KIAA1671: variants seen among roughly 807,000 people sequenced by gnomAD.
KIAA1671 encodes uncharacterized protein KIAA1671.
KIAA1671 carries 52 observed loss-of-function variants against 131.2 expected under a neutral mutation model. The ratio of observed to expected loss-of-function variants is 0.40; its 90% confidence interval spans 0.32 to 0.50. The LOEUF is 0.50. KIAA1671 is among the 20% of genes least tolerant of loss of function. The pLI is 0.73. For missense variants in KIAA1671, 2,360 were observed against 2,364.2 expected, an observed-to-expected ratio of 1.00 and a Z score of 0.04; for synonymous variants, 1,003 against 961.6, an observed-to-expected ratio of 1.04 and a Z score of -0.80.
chr22:24,977,689 A>G (rs1307590169), intron 1 of KIAA1671, among the ~76,000 whole-genome samples: 1 of 152,182 alleles, frequency 6.6e-6, no homozygotes, highest in Non-Finnish European at 1.5e-5. Flanking sequence ...GGGCCTGCTG[A>G]AGCCTAGAGA....
intron 6 of KIAA1671, among the ~76,000 whole-genome samples, chr22:25,069,070 CT>C (rs1928665329): frequency 6.6e-6 from 1 of 152,158 alleles, no homozygotes; most frequent in Non-Finnish European, 1.5e-5. Context: ...CCAGGAGCGT[CT>C]GGCTTGTATT....
At chr22:25,099,647 C>T (rs927599833) in intron 6 of KIAA1671, among the ~76,000 whole-genome samples, 4 of 146,090 alleles carry the variant, frequency 2.7e-5, no homozygotes, top group African/African-American at 1.0e-4. Flanking sequence ...CTCTGCCTCC[C>T]GGGTTCACAG....
chr22:25,093,840 C>CTCTCTCTCTG (rs1568951631), intron 6 of KIAA1671, among the ~76,000 whole-genome samples: 1 of 57,056 alleles, frequency 1.8e-5, no homozygotes, highest in Non-Finnish European at 3.7e-5. Flanking sequence ...CTCTGTCTGT[C>CTCTCTCTCTG]TCTCTCTCTC....
At chr22:25,066,189 T>C (rs1928469897) in intron 6 of KIAA1671, among the ~76,000 whole-genome samples, 1 of 151,398 alleles carries the variant, frequency 6.6e-6, no homozygotes, top group Non-Finnish European at 1.5e-5. Flanking sequence ...GGCTCTGTCA[T>C]CCAGGCTGGA....
intron 1 of KIAA1671, among the ~76,000 whole-genome samples, chr22:24,988,581 C>T (rs1923674366): frequency 6.6e-6 from 1 of 150,474 alleles, no homozygotes; most frequent in South Asian, 2.1e-4. Context: ...CTAAAAAATA[C>T]AAAAATTAGC....
rs111975991 is a variant in KIAA1671 at position 25,144,007 on chromosome 22, T to TA, written c.4531-26802dup. On this transcript the variant is annotated intron_variant, in intron 6 of 12. Transcript: ENST00000358431. ...GCAACATAGCAAGATCCCATCTGTA[T>TA]AAAAAAAAAAATGAACTAAAAAAAA... 5.7e-4 allele frequency among the ~76,000 whole-genome samples: 83 copies of TA among 146,494 alleles called. No individual in the cohort carries two copies. The South Asian group carries it at 5.7e-3, about 10-fold the overall frequency.
intron 6 of KIAA1671, among the ~76,000 whole-genome samples, chr22:25,080,206 C>T (rs1929332587): frequency 6.6e-6 from 1 of 152,138 alleles, no homozygotes; most frequent in Non-Finnish European, 1.5e-5. Context: ...ATACCGGTGT[C>T]AGCATACGTT....
At chr22:25,162,859 C>T (rs1933493410) in intron 6 of KIAA1671, among the ~76,000 whole-genome samples, 1 of 152,170 alleles carries the variant, frequency 6.6e-6, no homozygotes, top group Non-Finnish European at 1.5e-5. Context: ...ACCCACAAAG[C>T]CCAAAATATT....
intron 6 of KIAA1671, among the ~76,000 whole-genome samples, chr22:25,138,656 C>T (rs1932759304): frequency 6.6e-6 from 1 of 152,184 alleles, no homozygotes; most frequent in African/African-American, 2.4e-5. Flanking sequence ...TTCATTTATT[C>T]ATCTGTTGGT....
intron 3 of KIAA1671, among the ~76,000 whole-genome samples, chr22:25,030,359 ACT>A (rs1359084114): frequency 6.6e-6 from 1 of 152,048 alleles, no homozygotes; most frequent in Non-Finnish European, 1.5e-5. Flanking sequence ...ACATGGTAAA[ACT>A]CTGTCTCTAC....
chr22:24,990,960 G>A (rs1451389343), intron 1 of KIAA1671, among the ~76,000 whole-genome samples: 1 of 152,260 alleles, frequency 6.6e-6, no homozygotes, highest in East Asian at 1.9e-4. Flanking sequence ...CCCTGGCCCA[G>A]GGCTGGCCAA....
chr22:25,006,351 G>A (rs3859864), intron 1 of KIAA1671, among the ~76,000 whole-genome samples: 84,539 of 151,948 alleles, frequency 0.56, 23,707 homozygotes, highest in East Asian at 0.77. Flanking sequence ...TTTTAAATGA[G>A]CTGATATTTA....
intron 4 of KIAA1671, among the ~76,000 whole-genome samples, chr22:25,037,885 G>A (rs954131930): frequency 6.6e-6 from 1 of 151,964 alleles, no homozygotes; most frequent in Non-Finnish European, 1.5e-5. Flanking sequence ...TGTCACCCAG[G>A]CTGGAGTGCA....
At chr22:25,180,682 T>C (rs1042198032) in intron 9 of KIAA1671, among the ~76,000 whole-genome samples, 3 of 152,234 alleles carry the variant, frequency 2.0e-5, no homozygotes, top group Non-Finnish European at 2.9e-5. Flanking sequence ...TAGCAAACAT[T>C]AGGATGTCAG....
intron 6 of KIAA1671, among the ~76,000 whole-genome samples, chr22:25,070,942 C>A (rs1227666056): frequency 1.3e-5 from 2 of 152,216 alleles, no homozygotes; most frequent in Non-Finnish European, 2.9e-5. Flanking sequence ...AGGAAAAAAA[C>A]CAGAACATTT....
chr22:25,172,552 C>T (rs898814416), intron 7 of KIAA1671, among the ~76,000 whole-genome samples: 24 of 152,224 alleles, frequency 1.6e-4, no homozygotes, highest in African/African-American at 5.3e-4. Context: ...AGGGAGCAGA[C>T]TGGTGGTCTT....
In KIAA1671 at chr22:25,190,791, A is replaced by G; in HGVS notation, c.*4+7A>G. On this transcript the variant is annotated splice_region_variant and intron_variant, in intron 12 of 12. Transcript: ENST00000358431. Reference sequence around the variant, plus strand: ...GAGAACCAAGTTTGACCAGGTATGAAGGGGCTCTGTTGGGGAACCTGGGAA... The same window carrying G: ...GAGAACCAAGTTTGACCAGGTATGAGGGGGCTCTGTTGGGGAACCTGGGAA... The G allele has an allele frequency of 6.5e-7, 1 of 1,544,114 alleles. No homozygotes were observed. The highest frequency in any genetic ancestry group is 8.8e-7 in the Non-Finnish European group (1 of 1,140,120).
intron 1 of KIAA1671, among the ~76,000 whole-genome samples, chr22:24,985,944 A>G (rs1477286372): frequency 6.6e-6 from 1 of 152,068 alleles, no homozygotes; most frequent in African/African-American, 2.4e-5. Context: ...CTGAGTCAGT[A>G]AGTGCCGATG....
At chr22:25,046,672 G>A (rs1927250664) in intron 5 of KIAA1671, among the ~76,000 whole-genome samples, 1 of 151,422 alleles carries the variant, frequency 6.6e-6, no homozygotes, top group African/African-American at 2.4e-5. Flanking sequence ...TTTCTTTTGA[G>A]GCTTCTTTAT....
Sources: allele counts gnomAD v4.1 joint callset (sites outside exome capture counted in the v4.1 genomes callset), GRCh38; gene constraint gnomAD v4.1.1; transcripts MANE v1.5; gene names NCBI Gene and HGNC (gene_info 2026-07-23, HGNC 2026-07-21).